The following PCDHGB2 variants were observed in gnomAD, a reference collection of about 807,000 sequenced individuals.
PCDHGB2 encodes protocadherin gamma-B2.
PCDHGB2 carries 55 observed loss-of-function variants against 59.3 expected under a neutral mutation model. That is an observed-to-expected ratio of 0.93 (90% CI 0.75 to 1.16). The LOEUF is 1.16. Ranked by LOEUF, PCDHGB2 falls within the 50% of genes most tolerant of loss-of-function variation. The pLI is 0.00. For missense variants in PCDHGB2, 1,228 were observed against 1,198.5 expected (o/e 1.02, Z -0.36); for synonymous variants, 516 against 512.0 (o/e 1.01, Z -0.11).
At chr5:141,393,251 G>C in intron 1 of PCDHGB2, 1 of 1,613,814 alleles carries the variant, frequency 6.2e-7, no homozygotes, top group South Asian at 1.1e-5. Flanking sequence ...ACGAAATCGC[G>C]GTTCCTGGAG....
In PCDHGB2 at chr5:141,422,240, T is replaced by C. The variant is rs1472994337; in HGVS notation, c.2421+59684T>C. ...ACCACCACGACGATGTTGATCACTG[T>C]TGTGGATGTGAATGATAACGCTCCA... On this transcript the variant is annotated intron_variant, in intron 1 of 3. Coordinates refer to ENST00000522605, the MANE Select transcript of PCDHGB2 (RefSeq NM_018923.3). 1.3e-6 allele frequency: 2 copies of C among 1,566,716 alleles called. No individual in the cohort carries two copies. The highest frequency in any genetic ancestry group is 1.2e-5 in the South Asian group (1 of 81,384).
rs1317699369 is a variant in PCDHGB2 at position 141,477,408 on chromosome 5, A to G, written c.2422-17399A>G. The G allele has an allele frequency of 6.2e-7, 1 of 1,614,098 alleles. No homozygotes were observed. ...TACAACCTCAGCATCACCGCCCGAG[A>G]CGCCGGAACCCCTTCCCTCTCAGCC... On this transcript the variant is annotated intron_variant, in intron 1 of 3. Transcript: ENST00000522605. This position sits in a 1 kb window ranked among gnomAD's most constrained non-coding sequence, Gnocchi z 4.9.
intron 1 of PCDHGB2, chr5:141,403,638 A>T (rs373036061): frequency 1.9e-6 from 3 of 1,613,906 alleles, no homozygotes; most frequent in Non-Finnish European, 2.5e-6. Flanking sequence ...GTGCGCATCC[A>T]TGTGACAGTG....
chr5:141,408,201 C>T (rs1036342508), intron 1 of PCDHGB2: 4 of 1,548,914 alleles, frequency 2.6e-6, no homozygotes, highest in South Asian at 2.4e-5. Flanking sequence ...CCCGAGCGAA[C>T]GATGGGAGGG....
chr5:141,397,961 G>C, intron 1 of PCDHGB2: 2 of 1,038,400 alleles, frequency 1.9e-6, no homozygotes, highest in Non-Finnish European at 2.7e-6. Context: ...CCCCAGCTCA[G>C]ACTCCCCAGC....
intron 2 of PCDHGB2, among the ~76,000 whole-genome samples, chr5:141,502,988 C>A (rs1285178746): frequency 6.7e-6 from 1 of 150,346 alleles, no homozygotes; most frequent in Non-Finnish European, 1.5e-5. Flanking sequence ...GGATTACAGG[C>A]GTGTGCCACC....
chr5:141,401,512 A>G (rs556332375), intron 1 of PCDHGB2, among the ~76,000 whole-genome samples: 2 of 152,374 alleles, frequency 1.3e-5, no homozygotes, highest in South Asian at 4.1e-4. Context: ...CCACCTCTAT[A>G]TAATTACCAG....
In PCDHGB2 at chr5:141,421,687, G is replaced by C. The variant is rs763146085; in HGVS notation, c.2421+59131G>C. On this transcript the variant is annotated intron_variant, in intron 1 of 3. Coordinates refer to ENST00000522605, the MANE Select transcript of PCDHGB2 (RefSeq NM_018923.3). ...GCACGCAATTCCTGGGGCGCGATTT[G>C]CTCTTCCTAATGCTAGGGATCCAGA... 1.3e-5 allele frequency: 21 copies of C among 1,613,788 alleles called. No individual in the cohort carries two copies. Among genetic ancestry groups the C allele is most frequent in the Non-Finnish European group, 1.8e-5 (21 of 1,179,860 alleles).
chr5:141,405,995 A>T (rs985162414), intron 1 of PCDHGB2, among the ~76,000 whole-genome samples: 1 of 151,964 alleles, frequency 6.6e-6, no homozygotes. Context: ...GGTAGCTCTC[A>T]GCCTGCATTG....
At chr5:141,409,538 A>G (rs772375542) in intron 1 of PCDHGB2, 5 of 1,613,844 alleles carry the variant, frequency 3.1e-6, no homozygotes, top group Non-Finnish European at 4.2e-6. Flanking sequence ...CGCTGACATC[A>G]ACGACAACGC....
At chr5:141,430,752 A>C (rs772436100) in intron 1 of PCDHGB2, 1 of 1,501,400 alleles carries the variant, frequency 6.7e-7, no homozygotes, top group East Asian at 2.3e-5. Context: ...TTCTGGAGGA[A>C]GATAAGAATG....
intron 1 of PCDHGB2, chr5:141,408,692 ATAAAC>A: frequency 1.2e-6 from 2 of 1,613,906 alleles, no homozygotes; most frequent in Non-Finnish European, 1.7e-6. Flanking sequence ...TGATATAAAC[ATAAAC>A]TCAATTAAAG....
At position 141,476,396 on chromosome 5, in the gene PCDHGB2, C is replaced by A; in HGVS notation, c.2422-18411C>A. The A allele has an allele frequency of 6.2e-7, 1 of 1,614,032 alleles. No homozygotes were observed. Among genetic ancestry groups the A allele is most frequent in the Non-Finnish European group, 8.5e-7 (1 of 1,180,020 alleles). Reference sequence around the variant, plus strand: ...GATGTTTGTGAACGACCGTCTGGATCGAGAGGAGCTGTGTGGGACACTGCC... The same window carrying A: ...GATGTTTGTGAACGACCGTCTGGATAGAGAGGAGCTGTGTGGGACACTGCC... On this transcript the variant is annotated intron_variant, in intron 1 of 3. Transcript: ENST00000522605. The surrounding 1 kb of genome is among the most constrained non-coding windows in gnomAD (Gnocchi z 7.6).
chr5:141,498,737 G>A (rs1176793634), intron 2 of PCDHGB2, among the ~76,000 whole-genome samples: 1 of 152,076 alleles, frequency 6.6e-6, no homozygotes, highest in African/African-American at 2.4e-5. Context: ...TTTGAGACCA[G>A]CCTGGCCAAC....
intron 1 of PCDHGB2, among the ~76,000 whole-genome samples, chr5:141,482,161 G>A (rs2099554171): frequency 6.6e-6 from 1 of 152,008 alleles, no homozygotes; most frequent in Non-Finnish European, 1.5e-5. Context: ...TCAAAGATAT[G>A]TAAGATTAAG....
intron 1 of PCDHGB2, chr5:141,370,593 C>A (rs373364003): frequency 6.2e-6 from 10 of 1,613,710 alleles, no homozygotes; most frequent in South Asian, 2.2e-5. Flanking sequence ...TAGGAACCTG[C>A]GGGTTATTGC....
At chr5:141,371,674 A>G (rs1767933506) in intron 1 of PCDHGB2, 2 of 1,613,896 alleles carry the variant, frequency 1.2e-6, no homozygotes, top group African/African-American at 2.7e-5. Context: ...GCTACCGACA[A>G]AGGCAATCCA....
chr5:141,406,477 A>G (rs1233914824), intron 1 of PCDHGB2, among the ~76,000 whole-genome samples: 1 of 152,166 alleles, frequency 6.6e-6, no homozygotes, highest in Non-Finnish European at 1.5e-5. Flanking sequence ...TTGAGGTTAT[A>G]TTTTTCAGAT....
chr5:141,410,119 C>T (rs1306210256), intron 1 of PCDHGB2: 2 of 1,612,822 alleles, frequency 1.2e-6, no homozygotes, highest in Middle Eastern at 1.7e-4. Flanking sequence ...ACGCAGCCCG[C>T]CAGCGCCTGC....
Sources: gnomAD v4.1 joint callset for allele counts (sites outside exome capture counted in the v4.1 genomes callset) on GRCh38, gnomAD v4.1.1 for gene constraint, Gnocchi (gnomAD v3.1) non-coding constraint, MANE v1.5 for transcripts, NCBI Gene and HGNC (gene_info 2026-07-23, HGNC 2026-07-21) for gene names.